NADK2: variants seen among roughly 807,000 people sequenced by gnomAD.
NADK2 encodes the protein NAD kinase domain-containing protein 1, mitochondrial.
Under a neutral mutation model 62.1 loss-of-function variants are expected in NADK2, and 35 were observed. The observed-to-expected ratio is 0.56, with a 90% CI of 0.43 to 0.75. The LOEUF is 0.75. Ranked by LOEUF, NADK2 falls within the 30% of genes least tolerant of loss-of-function variation. The pLI is 0.00. For synonymous variants in NADK2, 205 were observed against 207.9 expected, an observed-to-expected ratio of 0.99 and a Z score of 0.12; for missense variants, 439 against 561.3, an observed-to-expected ratio of 0.78 and a Z score of 2.20.
At chr5:36,217,267 C>T (rs957174485) in intron 6 of NADK2, among the ~76,000 whole-genome samples, 1 of 151,982 alleles carries the variant, frequency 6.6e-6, no homozygotes, top group African/African-American at 2.4e-5. Flanking sequence ...ACCCTCCTAA[C>T]AAAAAAAGCT....
rs1393659599 is a variant in NADK2 at position 36,241,747 on chromosome 5, C to T, written c.52G>A (p.Gly18Ser). The T allele has an allele frequency of 3.8e-6, 5 of 1,305,186 alleles. No homozygotes were observed. The highest frequency in any genetic ancestry group is 3.2e-5 in the Admixed American group (1 of 31,038). The allele number at this position is 1,305,186 out of a possible 1,614,324, so 80.9% of individuals were successfully genotyped here. ...GGTCCCCGCAGCGCCGCCGCCCGGCCGCCCGCCACGCGACAACAGCTGCCC... is the reference window on the plus strand; with the variant it reads ...GGTCCCCGCAGCGCCGCCGCCCGGCTGCCCGCCACGCGACAACAGCTGCCC... ...LLGSCCRVAGGRAAALRGPGA... is the reference protein window; with the variant it reads ...LLGSCCRVAGSRAAALRGPGA... Residue 18 changes from glycine (G) to serine (S), a missense_variant, in exon 1 of 12, where the codon GGC becomes AGC. Gly to Ser is a moderately conservative substitution (Grantham distance 56, BLOSUM62 0). Transcript: ENST00000381937. This position sits in a 1 kb window ranked among gnomAD's most constrained non-coding sequence, Gnocchi z 4.9.
chr5:36,201,383 T>C (rs1318553475), intron 8 of NADK2, among the ~76,000 whole-genome samples: 3 of 152,034 alleles, frequency 2.0e-5, no homozygotes, highest in Non-Finnish European at 2.9e-5. Context: ...AGAGCAATTA[T>C]GCACTATCAA....
chr5:36,208,258 T>C (rs1182023420), intron 7 of NADK2, among the ~76,000 whole-genome samples: 1 of 152,112 alleles, frequency 6.6e-6, no homozygotes, highest in Non-Finnish European at 1.5e-5. Flanking sequence ...ATAGTCAGAA[T>C]TTCTTATTAA....
intron 7 of NADK2, among the ~76,000 whole-genome samples, chr5:36,207,779 T>C (rs909834283): frequency 2.0e-5 from 3 of 152,132 alleles, no homozygotes; most frequent in African/African-American, 7.2e-5. Flanking sequence ...AGAGATTAGA[T>C]AATAAAGCTG....
intron 8 of NADK2, among the ~76,000 whole-genome samples, chr5:36,204,076 C>A (rs2112082007): frequency 6.6e-6 from 1 of 152,266 alleles, no homozygotes; most frequent in African/African-American, 2.4e-5. Flanking sequence ...TTTATCCTTG[C>A]TAACCCTTAA....
chr5:36,198,254 A>AG (rs1230178303), intron 10 of NADK2, among the ~76,000 whole-genome samples: 2 of 152,066 alleles, frequency 1.3e-5, no homozygotes. Context: ...CAAAGATATC[A>AG]GGCTTGAAAG....
intron 1 of NADK2, among the ~76,000 whole-genome samples, chr5:36,237,077 A>C (rs529631403): frequency 6.6e-6 from 1 of 152,206 alleles, no homozygotes; most frequent in Non-Finnish European, 1.5e-5. Context: ...TGGTGAAAGT[A>C]AAAATCTGTA....
At chr5:36,228,277 T>C (rs1747559861) in intron 1 of NADK2, among the ~76,000 whole-genome samples, 1 of 152,170 alleles carries the variant, frequency 6.6e-6, no homozygotes, top group African/African-American at 2.4e-5. Flanking sequence ...AAGTAAAATG[T>C]AGAGAAAAAA....
At chr5:36,208,877 T>C (rs766073074) in intron 7 of NADK2, among the ~76,000 whole-genome samples, 5 of 152,140 alleles carry the variant, frequency 3.3e-5, no homozygotes, top group Admixed American at 2.0e-4. Context: ...ACCGGGTTTA[T>C]GTTACAGTTC....
intron 3 of NADK2, 75 bp downstream of exon 3, chr5:36,226,400 A>T: frequency 8.6e-7 from 1 of 1,164,528 alleles, no homozygotes; most frequent in South Asian, 1.3e-5. Flanking sequence ...ATATAGCTAG[A>T]CCCTAGGGTA....
Position 36,236,883 on chromosome 5 carries a change from A to C in NADK2, c.300+4616T>G, listed in dbSNP as rs968631432. Among the ~76,000 whole-genome samples, 4 of 151,622 alleles carry C rather than the reference A, an allele frequency of 2.6e-5. No individual in the cohort carries two copies. In the East Asian group the frequency reaches 5.8e-4, roughly 22 times the overall value. On this transcript the variant is annotated intron_variant, in intron 1 of 11. Transcript: ENST00000381937. ...GCTTAACCTCAAAAAAAAAAAAAAA[A>C]AAAACAGGAATTGGATAGAGGAAGA...
At chr5:36,210,895 T>A (rs1746816428) in intron 7 of NADK2, among the ~76,000 whole-genome samples, 1 of 152,210 alleles carries the variant, frequency 6.6e-6, no homozygotes, top group Non-Finnish European at 1.5e-5. Context: ...GACATGCACA[T>A]CTAGTCCCTG....
At position 36,241,589 on chromosome 5, in the gene NADK2, C is replaced by A. The variant is rs189482969; in HGVS notation, c.210G>T (p.Arg70=). ...GGGTGGTTTTGGCCACCACCACCAC[C>A]CGGGAGGGGCGGAAGCCGCCGTCCG... ...SRADGGFRPS[R]VVVVAKTTRY... is the part of the protein sequence containing the mutation. The change falls in exon 1 of 12, where the codon CGG becomes CGT. Residue 70 remains arginine, a synonymous_variant. Coordinates refer to ENST00000381937, the MANE Select transcript of NADK2 (RefSeq NM_001085411.3). This position sits in a 1 kb window ranked among gnomAD's most constrained non-coding sequence, Gnocchi z 4.9. The A allele has an allele frequency of 4.6e-3, 6,948 of 1,525,408 alleles. 281 individuals carry two copies. The African/African-American group carries it at 0.088, about 19-fold the overall frequency. 94.5% of individuals were successfully genotyped at this position (1,525,408 alleles called of 1,614,324 possible). A position where few individuals can be genotyped will look rare whatever the true frequency, so the allele number is the denominator to read the frequency against.
chr5:36,235,958 T>C (rs1158554580), intron 1 of NADK2, among the ~76,000 whole-genome samples: 1 of 151,706 alleles, frequency 6.6e-6, no homozygotes, highest in Non-Finnish European at 1.5e-5. Flanking sequence ...TGCTGATATT[T>C]TGAAATTATA....
chr5:36,241,511 G>A lies in NADK2; in HGVS notation c.288C>T (p.Asp96=), dbSNP rs1344956273. The A allele has an allele frequency of 6.4e-7, 1 of 1,560,352 alleles. No individual in the cohort carries two copies. Residue 96 remains aspartate, a synonymous_variant, in exon 1 of 12, where the codon GAC becomes GAT. Coordinates refer to ENST00000381937, the MANE Select transcript of NADK2 (RefSeq NM_001085411.3). The surrounding 1 kb of genome is among the most constrained non-coding windows in gnomAD (Gnocchi z 4.9). Reference sequence around the variant, plus strand: ...AGCCAGGACCCACCAGCTGCTTCAGGTCCTCCTCCGAGAGCTCCGCGTAAC... The same window carrying A: ...AGCCAGGACCCACCAGCTGCTTCAGATCCTCCTCCGAGAGCTCCGCGTAAC... ...RYRYAELSEE[D]LKQLLALKGS... is the part of the protein sequence containing the mutation.
At chr5:36,231,582 A>G (rs1747710811) in intron 1 of NADK2, among the ~76,000 whole-genome samples, 1 of 152,254 alleles carries the variant, frequency 6.6e-6, no homozygotes, top group Non-Finnish European at 1.5e-5. Flanking sequence ...CATCAATTAG[A>G]AAGGCTTAAA....
intron 1 of NADK2, among the ~76,000 whole-genome samples, chr5:36,239,166 CAT>C (rs1168261951): frequency 5.9e-5 from 9 of 152,300 alleles, no homozygotes; most frequent in African/African-American, 2.2e-4. Context: ...CTTTTATATC[CAT>C]CCAATTCACA....
At chr5:36,217,059 G>A (rs1038234456) in intron 6 of NADK2, among the ~76,000 whole-genome samples, 2 of 152,104 alleles carry the variant, frequency 1.3e-5, no homozygotes, top group Non-Finnish European at 1.5e-5. Context: ...CCATGAGAGA[G>A]CAGAGGCAGA....
chr5:36,203,548 CTT>C (rs1266988541), intron 8 of NADK2, among the ~76,000 whole-genome samples: 1 of 151,972 alleles, frequency 6.6e-6, no homozygotes, highest in African/African-American at 2.4e-5. Context: ...GTGAGAAAGA[CTT>C]TTATACTAGA....
Sources: gnomAD v4.1 joint callset for allele counts (sites outside exome capture counted in the v4.1 genomes callset) on GRCh38, gnomAD v4.1.1 for gene constraint, Gnocchi (gnomAD v3.1) non-coding constraint, MANE v1.5 for transcripts, NCBI Gene and HGNC (gene_info 2026-07-23, HGNC 2026-07-21) for gene names.